PCDHA1: variants seen among roughly 807,000 people sequenced by gnomAD.
PCDHA1 encodes protocadherin alpha-1.
PCDHA1 carries 42 observed loss-of-function variants against 61.3 expected under a neutral mutation model. That is an observed-to-expected ratio of 0.69 (90% CI 0.54 to 0.89). The LOEUF (loss-of-function observed/expected upper bound fraction) is 0.89, where lower values mean the gene tolerates loss of function less well. Ranked by LOEUF, PCDHA1 falls within the 40% of genes least tolerant of loss-of-function variation. The pLI, the probability that PCDHA1 is intolerant of heterozygous loss-of-function variation, is 0.00. For missense variants in PCDHA1, 1,256 were observed against 1,235.3 expected (o/e 1.02, Z -0.25); for synonymous variants, 610 against 553.8 (o/e 1.10, Z -1.43).
Position 141,010,339 on chromosome 5 carries a change from A to G in PCDHA1, c.*402A>G. 2 of 1,534,058 alleles carry G rather than the reference A, an allele frequency of 1.3e-6. No homozygotes were observed. Among genetic ancestry groups the G allele is most frequent in the East Asian group, 4.9e-5 (2 of 40,762 alleles). On this transcript the variant is annotated 3_prime_UTR_variant, in exon 4 of 4. Transcript: ENST00000504120. ...TTGAGCAGCTTGGGAGTTTGTGGCC[A>G]CTGGGTATGTGTGGCTACCGCGGGT...
chr5:140,879,366 C>A (rs1363345702), intron 1 of PCDHA1, among the ~76,000 whole-genome samples: 1 of 152,156 alleles, frequency 6.6e-6, no homozygotes, highest in East Asian at 1.9e-4. Flanking sequence ...CATTAACCAA[C>A]CTGCAGAACA....
At chr5:140,972,612 C>T (rs1554234244) in intron 1 of PCDHA1, among the ~76,000 whole-genome samples, 2 of 151,080 alleles carry the variant, frequency 1.3e-5, no homozygotes, top group African/African-American at 4.9e-5. Context: ...GAACTTGATA[C>T]TGAATGTTGT....
At chr5:140,877,789 A>G (rs2057339151) in intron 1 of PCDHA1, 1 of 1,613,954 alleles carries the variant, frequency 6.2e-7, no homozygotes, top group Non-Finnish European at 8.5e-7. Context: ...CATGGCCTTC[A>G]GCCCAAGCCT....
chr5:140,889,561 C>A (rs1170749193), intron 1 of PCDHA1, among the ~76,000 whole-genome samples: 1 of 151,898 alleles, frequency 6.6e-6, no homozygotes, highest in African/African-American at 2.4e-5. Flanking sequence ...CTTCAGAATT[C>A]TGCTTTCTGA....
At chr5:140,796,831 C>A (rs150299243) in intron 1 of PCDHA1, 12 of 1,614,132 alleles carry the variant, frequency 7.4e-6, no homozygotes, top group Non-Finnish European at 9.3e-6. Flanking sequence ...CATCCCGTTC[C>A]GCGTGGGGCT....
chr5:140,905,643 A>G (rs532700036), intron 1 of PCDHA1, among the ~76,000 whole-genome samples: 1 of 152,306 alleles, frequency 6.6e-6, no homozygotes, highest in Non-Finnish European at 1.5e-5. Context: ...TCAGTTTCAC[A>G]GTATTGATTC....
intron 3 of PCDHA1, among the ~76,000 whole-genome samples, chr5:141,005,494 G>A (rs1554260099): frequency 2.0e-5 from 3 of 151,700 alleles, no homozygotes; most frequent in Non-Finnish European, 2.9e-5. Flanking sequence ...ATGAGGTCAG[G>A]AGATCGAGAC....
chr5:140,823,389 C>A lies in PCDHA1; in HGVS notation c.2394+34705C>A, dbSNP rs199642773. 1.6e-5 allele frequency: 25 copies of A among 1,612,876 alleles called. No individual in the cohort carries two copies. The highest frequency in any genetic ancestry group is 1.7e-4 in the Middle Eastern group (1 of 5,730). On this transcript the variant is annotated intron_variant, in intron 1 of 3. Coordinates refer to ENST00000504120, the MANE Select transcript of PCDHA1 (RefSeq NM_018900.4). ...TGCAGTTCCAGGTGAGCGCGCGCGACGCGGGCGTGCCGCCTCTGGGCAGCA... is the reference window on the plus strand; with the variant it reads ...TGCAGTTCCAGGTGAGCGCGCGCGAAGCGGGCGTGCCGCCTCTGGGCAGCA...
At chr5:140,857,952 C>G in intron 1 of PCDHA1, 1 of 1,597,470 alleles carries the variant, frequency 6.3e-7, no homozygotes, top group South Asian at 1.1e-5. Context: ...ACGACGCGCG[C>G]TCTGGATGAG....
chr5:140,787,854 C>T lies in PCDHA1; in HGVS notation c.1564C>T (p.Pro522Ser), dbSNP rs1581597492. Residue 522 changes from proline (P) to serine (S), a missense_variant, in exon 1 of 4, where the codon CCC becomes TCC. Coordinates refer to ENST00000504120, the MANE Select transcript of PCDHA1 (RefSeq NM_018900.4). ...AESGKVYALQ[P>S]LDHEELELLQ... Reference sequence around the variant, plus strand: ...GAGCGGCAAGGTGTACGCACTGCAGCCCCTGGACCACGAGGAGCTGGAGCT... The same window carrying T: ...GAGCGGCAAGGTGTACGCACTGCAGTCCCTGGACCACGAGGAGCTGGAGCT... 1.2e-6 allele frequency: 2 copies of T among 1,612,770 alleles called. No homozygotes were observed. Among genetic ancestry groups the T allele is most frequent in the Non-Finnish European group, 1.7e-6 (2 of 1,179,806 alleles).
chr5:140,904,170 A>T (rs2070892349), intron 1 of PCDHA1, among the ~76,000 whole-genome samples: 1 of 151,964 alleles, frequency 6.6e-6, no homozygotes. Context: ...GTAGTCTTTT[A>T]TTCCTCACCC....
chr5:140,877,815 A>T (rs782076422), intron 1 of PCDHA1: 21 of 1,609,380 alleles, frequency 1.3e-5, no homozygotes, highest in Non-Finnish European at 1.7e-5. Context: ...TGTCTCGAGA[A>T]GATTGTTTAA....
intron 3 of PCDHA1, among the ~76,000 whole-genome samples, chr5:140,992,987 C>G (rs1259400627): frequency 6.6e-6 from 1 of 152,158 alleles, no homozygotes; most frequent in East Asian, 1.9e-4. Context: ...GGCCATGGGA[C>G]CCATGAAAGA....
chr5:140,872,828 A>G (rs1393520150), intron 1 of PCDHA1, among the ~76,000 whole-genome samples: 2 of 152,234 alleles, frequency 1.3e-5, no homozygotes, highest in African/African-American at 4.8e-5. Flanking sequence ...CATCTAGCAG[A>G]GAAAAAATTA....
chr5:140,863,170 A>G (rs1458621286), intron 1 of PCDHA1: 2 of 688,322 alleles, frequency 2.9e-6, no homozygotes, highest in African/African-American at 1.8e-5. Flanking sequence ...GCTGGCGCTG[A>G]CTGCCACCGT....
At chr5:140,962,077 G>T (rs2095655013) in intron 1 of PCDHA1, among the ~76,000 whole-genome samples, 1 of 151,866 alleles carries the variant, frequency 6.6e-6, no homozygotes, top group South Asian at 2.1e-4. Flanking sequence ...AGTAGAGACG[G>T]GGTTTCACCA....
chr5:140,877,092 C>G (rs200462899), intron 1 of PCDHA1: 46 of 1,613,110 alleles, frequency 2.9e-5, no homozygotes, highest in African/African-American at 6.7e-5. Flanking sequence ...CGCGCGACGC[C>G]GGCGTGCCGC....
chr5:140,887,802 T>A (rs2061588161), intron 1 of PCDHA1, among the ~76,000 whole-genome samples: 1 of 152,198 alleles, frequency 6.6e-6, no homozygotes, highest in Non-Finnish European at 1.5e-5. Context: ...TTTATTTTTG[T>A]CCATTTCTTT....
chr5:140,824,274 A>C, intron 1 of PCDHA1: 1 of 1,155,556 alleles, frequency 8.7e-7, no homozygotes, highest in Middle Eastern at 2.0e-4. Context: ...CATGTATTAT[A>C]TGCTTTTTAT....
Sources: gnomAD v4.1 joint callset for allele counts (sites outside exome capture counted in the v4.1 genomes callset) on GRCh38, gnomAD v4.1.1 for gene constraint, MANE v1.5 for transcripts, NCBI Gene and HGNC (gene_info 2026-07-23, HGNC 2026-07-21) for gene names.